The following KIAA0753 variants were observed in gnomAD, a reference collection of about 807,000 sequenced individuals.
KIAA0753 encodes KIAA0753, also known as protein moonraker.
A neutral mutation model predicts 116.9 loss-of-function variants in KIAA0753; 114 were observed. That is an observed-to-expected ratio of 0.98 (90% CI 0.84 to 1.14). The LOEUF is 1.14. Ranked by LOEUF, KIAA0753 falls within the 50% of genes most tolerant of loss-of-function variation. The pLI is 0.00. For missense variants in KIAA0753, 1,156 were observed against 1,172.4 expected (o/e 0.99, Z 0.20); for synonymous variants, 405 against 413.1 (o/e 0.98, Z 0.24).
Position 6,589,774 on chromosome 17 carries a change from C to A in KIAA0753, c.2786+5G>T, listed in dbSNP as rs1015796020. 10 of 1,590,378 alleles carry A rather than the reference C, an allele frequency of 6.3e-6. No homozygotes were observed. The highest frequency in any genetic ancestry group is 8.5e-6 in the Non-Finnish European group (10 of 1,173,174). On this transcript the variant is annotated splice_donor_5th_base_variant and intron_variant, in intron 18 of 18. Coordinates refer to ENST00000361413, the MANE Select transcript of KIAA0753 (RefSeq NM_014804.3). ...CTAAACAGAGGACCGTAACATTTTA[C>A]TGACCTTTCAGCTATCAGCCACGGG...
In KIAA0753 at chr17:6,591,040, GGAAGAAGAAGAAGAAGAAGAAGAAGAA is replaced by G. The variant is rs71157205; in HGVS notation, c.2441-437_2441-411del. 1.6e-3 allele frequency among the ~76,000 whole-genome samples: 158 copies of G among 100,054 alleles called. 7 individuals are homozygous for G. Among genetic ancestry groups the G allele is most frequent in the Middle Eastern group, 9.0e-3 (2 of 222 alleles). 65.6% of individuals were successfully genotyped at this position (100,054 alleles called of 152,430 possible). On this transcript the variant is annotated intron_variant, in intron 16 of 18. Transcript: ENST00000361413. Reference sequence around the variant, plus strand: ...AGAAGGAAGAAGGAAGAAGGAAGAAGGAAGAAGAAGAAGAAGAAGAAGAAGAAGAAGAAGAAGAAGAAGAAGAAGAAG... The same window carrying G: ...AGAAGGAAGAAGGAAGAAGGAAGAAGGAAGAAGAAGAAGAAGAAGAAGAAG...
At chr17:6,614,615 G>A (rs191586872) in intron 7 of KIAA0753, among the ~76,000 whole-genome samples, 7 of 151,968 alleles carry the variant, frequency 4.6e-5, no homozygotes, top group Admixed American at 3.9e-4. Context: ...AACAGAACTC[G>A]TCTATAATAG....
At chr17:6,621,343 CAA>C in intron 6 of KIAA0753, among the ~76,000 whole-genome samples, 1 of 152,304 alleles carries the variant, frequency 6.6e-6, no homozygotes. Flanking sequence ...TAATCATCAA[CAA>C]AAATCTCATA....
Position 6,579,647 on chromosome 17 carries a change from TG to T in KIAA0753, c.*99del. 1.2e-6 allele frequency: 1 copy of T among 808,828 alleles called. No individual in the cohort carries two copies. Among genetic ancestry groups the T allele is most frequent in the African/African-American group, 1.7e-5 (1 of 59,652 alleles). The allele number at this position is 808,828 out of a possible 1,614,324, so 50.1% of individuals were successfully genotyped here. A position where few individuals can be genotyped will look rare whatever the true frequency, so the allele number is the denominator to read the frequency against. ...TTCAGTGGGCAGCACCTTCTGGGCC[TG>T]GATGGACAGCTGAGGATGAAAATTT... On this transcript the variant is annotated 3_prime_UTR_variant, in exon 19 of 19. Coordinates refer to ENST00000361413, the MANE Select transcript of KIAA0753 (RefSeq NM_014804.3).
At chr17:6,581,615 C>G (rs1968185820) in intron 18 of KIAA0753, among the ~76,000 whole-genome samples, 1 of 152,206 alleles carries the variant, frequency 6.6e-6, no homozygotes, top group African/African-American at 2.4e-5. Context: ...ACTTCCATCA[C>G]TTCTTCTCCA....
chr17:6,620,476 T>C (rs570270002), intron 7 of KIAA0753, among the ~76,000 whole-genome samples: 8 of 151,874 alleles, frequency 5.3e-5, no homozygotes, highest in African/African-American at 1.7e-4. Context: ...TCTGTGTGTG[T>C]ACATATCTCT....
At chr17:6,607,330 C>A in intron 10 of KIAA0753, 60 bp from the exon 11 acceptor site, 1 of 1,368,142 alleles carries the variant, frequency 7.3e-7, no homozygotes, top group African/African-American at 1.4e-5. Flanking sequence ...GTGTCATCAT[C>A]ACAGAAACAG....
chr17:6,614,239 A>C (rs1970730944), intron 7 of KIAA0753, among the ~76,000 whole-genome samples: 1 of 152,218 alleles, frequency 6.6e-6, no homozygotes, highest in South Asian at 2.1e-4. Flanking sequence ...TATACACTGC[A>C]ACCCAGCAAT....
At chr17:6,615,043 C>A (rs572620837) in intron 7 of KIAA0753, among the ~76,000 whole-genome samples, 1 of 152,324 alleles carries the variant, frequency 6.6e-6, no homozygotes, top group East Asian at 1.9e-4. Context: ...AAGTGATCCA[C>A]CAGCCTCGGC....
chr17:6,581,694 A>C (rs1226696389), intron 18 of KIAA0753, among the ~76,000 whole-genome samples: 1 of 152,126 alleles, frequency 6.6e-6, no homozygotes. Context: ...CATTCCTATC[A>C]GTTTGGCCTT....
chr17:6,609,247 C>G (rs373862424), intron 9 of KIAA0753, among the ~76,000 whole-genome samples: 1 of 152,240 alleles, frequency 6.6e-6, no homozygotes, highest in East Asian at 1.9e-4. Context: ...CTCCCTTCTC[C>G]CCTGACATGA....
chr17:6,603,594 G>C (rs1970008745), intron 12 of KIAA0753, among the ~76,000 whole-genome samples: 1 of 152,146 alleles, frequency 6.6e-6, no homozygotes, highest in Admixed American at 6.5e-5. Context: ...AAACATAAGA[G>C]GACTCGGAGA....
Position 6,611,916 on chromosome 17 carries a change from T to C in KIAA0753, c.1545+3A>G. ...GGGCCAAAAGAGAGGAATGATTTCATACTTGCTGTCTTGCTGGCGCCAGAG... is the reference window on the plus strand; with the variant it reads ...GGGCCAAAAGAGAGGAATGATTTCACACTTGCTGTCTTGCTGGCGCCAGAG... On this transcript the variant is annotated splice_donor_region_variant and intron_variant, in intron 8 of 18. Transcript: ENST00000361413. 6.2e-7 allele frequency: 1 copy of C among 1,611,698 alleles called. No homozygotes were observed. The highest frequency in any genetic ancestry group is 8.5e-7 in the Non-Finnish European group (1 of 1,178,096).
At chr17:6,617,667 G>A (rs1253880112) in intron 7 of KIAA0753, among the ~76,000 whole-genome samples, 1 of 152,170 alleles carries the variant, frequency 6.6e-6, no homozygotes, top group Non-Finnish European at 1.5e-5. Flanking sequence ...AGGACTCCTG[G>A]ATGGGAGCTG....
intron 2 of KIAA0753, 133 bp downstream of exon 2, chr17:6,634,878 G>A (rs1050741175): frequency 1.1e-5 from 7 of 643,286 alleles, no homozygotes; most frequent in African/African-American, 7.3e-5. Flanking sequence ...GGTTGAGTAG[G>A]TAGAAAAACA....
chr17:6,612,184 A>C, intron 7 of KIAA0753, 36 bp from the exon 8 acceptor site: 1 of 1,467,804 alleles, frequency 6.8e-7, no homozygotes. Context: ...ACTGAGGAAA[A>C]TGCTATTCAA....
intron 10 of KIAA0753, among the ~76,000 whole-genome samples, 161 bp from the exon 11 acceptor site, chr17:6,607,431 G>C (rs895984973): frequency 6.6e-6 from 1 of 152,124 alleles, no homozygotes; most frequent in South Asian, 2.1e-4. Flanking sequence ...TACCCCTAAA[G>C]CTCTCTAGAA....
chr17:6,578,428 A>G lies in KIAA0753; in HGVS notation c.*1319T>C, dbSNP rs981767231. 6 of 152,242 alleles carry G rather than the reference A, an allele frequency of 3.9e-5. No individual in the cohort carries two copies. The highest frequency in any genetic ancestry group is 1.2e-4 in the African/African-American group (5 of 41,474). The allele number at this position is 152,242 out of a possible 1,614,324, so 9.4% of individuals were successfully genotyped here. On this transcript the variant is annotated 3_prime_UTR_variant, in exon 19 of 19. Coordinates refer to ENST00000361413, the MANE Select transcript of KIAA0753 (RefSeq NM_014804.3). ...CCGGTGCTCCTATTAATTCAAGTGT[A>G]CACATTTAACTCCCCAGGTTAAACA...
Position 6,612,233 on chromosome 17 carries a change from C to A in KIAA0753, c.1316-85G>T, listed in dbSNP as rs1022153723. 14 of 929,564 alleles carry A rather than the reference C, an allele frequency of 1.5e-5. No individual in the cohort carries two copies. The Middle Eastern group carries it at 9.2e-4, about 61-fold the overall frequency. The allele number at this position is 929,564 out of a possible 1,614,324, so 57.6% of individuals were successfully genotyped here. Reference sequence around the variant, plus strand: ...GAATGATTATCTACACACAGATAGGCTCCAAATACCTATCCTAGCCCTGCT... The same window carrying A: ...GAATGATTATCTACACACAGATAGGATCCAAATACCTATCCTAGCCCTGCT... On this transcript the variant is annotated intron_variant, in intron 7 of 18. Transcript: ENST00000361413.
Sources: allele counts gnomAD v4.1 joint callset (sites outside exome capture counted in the v4.1 genomes callset), GRCh38; gene constraint gnomAD v4.1.1; transcripts MANE v1.5; gene names NCBI Gene and HGNC (gene_info 2026-07-23, HGNC 2026-07-21).